The following MAP2K1 variants were observed in gnomAD, a reference collection of about 807,000 sequenced individuals.
MAP2K1 encodes dual specificity mitogen-activated protein kinase kinase 1.
MAP2K1 carries 16 observed loss-of-function variants against 46.3 expected under a neutral mutation model. The observed-to-expected ratio is 0.35, with a 90% CI of 0.23 to 0.52. MAP2K1 has a LOEUF of 0.52. Among genes scored for constraint, MAP2K1 ranks in the 20% least tolerant of loss-of-function variants. MAP2K1 has a pLI of 0.94. For synonymous variants in MAP2K1, 183 were observed against 185.6 expected (o/e 0.99, Z 0.11); for missense variants, 263 against 497.1 (o/e 0.53, Z 4.48).
At chr15:66,396,076 G>T (rs552626102) in intron 1 of MAP2K1, among the ~76,000 whole-genome samples, 1 of 151,750 alleles carries the variant, frequency 6.6e-6, no homozygotes, top group Admixed American at 6.6e-5. Context: ...GCGCGATCTC[G>T]CCTCAGTGCA....
chr15:66,442,285 C>T (rs1188219508), intron 3 of MAP2K1, among the ~76,000 whole-genome samples: 4 of 152,144 alleles, frequency 2.6e-5, no homozygotes, highest in Non-Finnish European at 5.9e-5. Flanking sequence ...TGGTCACAGC[C>T]GGCCATTTCT....
intron 1 of MAP2K1, among the ~76,000 whole-genome samples, chr15:66,397,153 T>G (rs1275096952): frequency 6.6e-6 from 1 of 151,690 alleles, no homozygotes; most frequent in Non-Finnish European, 1.5e-5. Flanking sequence ...TACAGGCGCC[T>G]GCCACCACGC....
chr15:66,489,742 A>C lies in MAP2K1; in HGVS notation c.1047A>C (p.Arg349Ser), dbSNP rs1177367316. The C allele has an allele frequency of 1.2e-6, 2 of 1,613,920 alleles. No individual in the cohort carries two copies. Among genetic ancestry groups the C allele is most frequent in the Non-Finnish European group, 8.5e-7 (1 of 1,179,784 alleles). The change falls in exon 10 of 11, where the codon AGA becomes AGC. Residue 349 changes from arginine to serine, a missense_variant. Arg to Ser is a moderately radical substitution (Grantham distance 110). This residue lies in a region of MAP2K1 where 118 missense variants were observed against 193.0 expected (regional missense o/e 0.61). Coordinates refer to ENST00000307102, the MANE Select transcript of MAP2K1 (RefSeq NM_002755.4). ...GCTTAATAAAAAACCCCGCAGAGAG[A>C]GCAGATTTGAAGCAACTCATGGTGA... ...NKCLIKNPAE[R>S]ADLKQLMVHA...
At chr15:66,403,477 G>T (rs998975981) in intron 1 of MAP2K1, among the ~76,000 whole-genome samples, 2 of 152,036 alleles carry the variant, frequency 1.3e-5, no homozygotes, top group African/African-American at 4.8e-5. Context: ...AAAAGCAGTG[G>T]TTTTCAAAAT....
intron 1 of MAP2K1, among the ~76,000 whole-genome samples, chr15:66,434,200 C>T (rs1223565470): frequency 6.6e-6 from 1 of 152,138 alleles, no homozygotes; most frequent in Non-Finnish European, 1.5e-5. Context: ...GTCACTAAAA[C>T]ACATTACTGT....
At chr15:66,418,755 C>T (rs949630743) in intron 1 of MAP2K1, among the ~76,000 whole-genome samples, 14 of 151,580 alleles carry the variant, frequency 9.2e-5, no homozygotes, top group Non-Finnish European at 1.5e-4. Flanking sequence ...CTCCGCCTCC[C>T]GGGTTCACGC....
chr15:66,464,736 G>A (rs533140436), intron 5 of MAP2K1, among the ~76,000 whole-genome samples: 67 of 151,332 alleles, frequency 4.4e-4, no homozygotes, highest in African/African-American at 1.6e-3. Context: ...TGTTGGTCAC[G>A]CTGTGGTCTC....
intron 1 of MAP2K1, among the ~76,000 whole-genome samples, chr15:66,395,653 T>G (rs1350533287): frequency 6.7e-6 from 1 of 150,188 alleles, no homozygotes. Context: ...CTTGGCTCAC[T>G]GCAACCTCTG....
intron 5 of MAP2K1, among the ~76,000 whole-genome samples, chr15:66,470,091 C>CTTTT (rs1567021186): frequency 5.4e-5 from 3 of 55,734 alleles, no homozygotes; most frequent in Non-Finnish European, 1.1e-4. Context: ...ACTTTTTTTT[C>CTTTT]TTGTTTTTTT....
At chr15:66,447,975 A>AC (rs1267966513) in intron 5 of MAP2K1, among the ~76,000 whole-genome samples, 1 of 151,714 alleles carries the variant, frequency 6.6e-6, no homozygotes, top group African/African-American at 2.4e-5. Context: ...ACATGGTGAA[A>AC]CCCCCTATCT....
In MAP2K1 at chr15:66,485,485, G is replaced by A. The variant is rs925846183; in HGVS notation, c.895+294G>A. Among the ~76,000 whole-genome samples the A allele has an allele frequency of 3.9e-5, 6 of 151,944 alleles. No individual in the cohort carries two copies. In the East Asian group the frequency reaches 5.8e-4, roughly 15 times the overall value. On this transcript the variant is annotated intron_variant, in intron 7 of 10. Transcript: ENST00000307102. Reference sequence around the variant, plus strand: ...TTATTATTAAGGGTCTTGCTATGTCGCCCAGTGCAGTGGCTAGTCACAGTC... The same window carrying A: ...TTATTATTAAGGGTCTTGCTATGTCACCCAGTGCAGTGGCTAGTCACAGTC...
intron 7 of MAP2K1, 92 bp downstream of exon 7, chr15:66,485,283 C>T: frequency 8.4e-7 from 1 of 1,189,524 alleles, no homozygotes; most frequent in Admixed American, 2.3e-5. Context: ...TCTGTACATT[C>T]TGCCAAGACT....
intron 1 of MAP2K1, among the ~76,000 whole-genome samples, chr15:66,413,070 A>G (rs1278117717): frequency 1.3e-5 from 2 of 151,880 alleles, no homozygotes; most frequent in African/African-American, 4.8e-5. Flanking sequence ...TAATTTTTGT[A>G]TTTTTAGTAG....
At chr15:66,438,074 T>C (rs1486494980) in intron 3 of MAP2K1, among the ~76,000 whole-genome samples, 6 of 150,730 alleles carry the variant, frequency 4.0e-5, no homozygotes, top group Admixed American at 6.6e-5. Flanking sequence ...AGGGTTTTTT[T>C]CCCCTTTCTT....
intron 1 of MAP2K1, among the ~76,000 whole-genome samples, chr15:66,421,370 A>G (rs1249314953): frequency 6.6e-6 from 1 of 151,840 alleles, no homozygotes; most frequent in Non-Finnish European, 1.5e-5. Flanking sequence ...TCCTGAGCTC[A>G]AGCGATCCGC....
At chr15:66,390,035 A>G (rs1395554706) in intron 1 of MAP2K1, among the ~76,000 whole-genome samples, 2 of 152,210 alleles carry the variant, frequency 1.3e-5, no homozygotes, top group Non-Finnish European at 2.9e-5. Flanking sequence ...GTTACTGCCT[A>G]AGTGTTGGAC....
intron 1 of MAP2K1, among the ~76,000 whole-genome samples, chr15:66,421,256 C>T (rs1270094114): frequency 1.3e-5 from 2 of 151,726 alleles, no homozygotes; most frequent in African/African-American, 4.8e-5. Flanking sequence ...CTGCCTTGGC[C>T]CCCCAAGTAG....
At chr15:66,421,879 TTC>T (rs2093444458) in intron 1 of MAP2K1, among the ~76,000 whole-genome samples, 1 of 100,772 alleles carries the variant, frequency 9.9e-6, no homozygotes, top group African/African-American at 3.3e-5. Flanking sequence ...AATGCCCTCT[TTC>T]TCTTTTTTTT....
intron 6 of MAP2K1, among the ~76,000 whole-genome samples, chr15:66,484,064 T>A (rs1033886206): frequency 2.6e-5 from 4 of 151,640 alleles, no homozygotes; most frequent in African/African-American, 9.7e-5. Context: ...TTTCATTTGA[T>A]TTGATCTTCT....
Sources: allele counts gnomAD v4.1 joint callset (sites outside exome capture counted in the v4.1 genomes callset), GRCh38; gene constraint gnomAD v4.1.1; regional missense constraint gnomAD v4.1.1; transcripts MANE v1.5; gene names NCBI Gene and HGNC (gene_info 2026-07-23, HGNC 2026-07-21).